The following DENND2B variants were observed in gnomAD, a reference collection of about 807,000 sequenced individuals.
DENND2B encodes the protein DENN domain-containing protein 2B.
A neutral mutation model predicts 116.0 loss-of-function variants in DENND2B; 32 were observed. That is an observed-to-expected ratio of 0.28 (90% CI 0.21 to 0.37). The LOEUF (loss-of-function observed/expected upper bound fraction) is 0.37. DENND2B is among the 10% of genes least tolerant of loss of function. The pLI, the probability that DENND2B is intolerant of heterozygous loss-of-function variation, is 1.00. For synonymous variants in DENND2B, 588 were observed against 583.9 expected, an observed-to-expected ratio of 1.01 and a Z score of -0.10; for missense variants, 1,276 against 1,477.7, an observed-to-expected ratio of 0.86 and a Z score of 2.24.
chr11:8,859,375 T>C (rs2063315114), intron 2 of DENND2B, among the ~76,000 whole-genome samples: 1 of 152,154 alleles, frequency 6.6e-6, no homozygotes. Flanking sequence ...TGGCGCGATC[T>C]CGGCTCACTG....
At chr11:8,723,563 T>A (rs905807582) in intron 4 of DENND2B, among the ~76,000 whole-genome samples, 2 of 152,168 alleles carry the variant, frequency 1.3e-5, no homozygotes, top group African/African-American at 4.8e-5. Flanking sequence ...CTCTGGGATG[T>A]TAGTCTTGCA....
intron 1 of DENND2B, among the ~76,000 whole-genome samples, chr11:8,790,429 A>C (rs1346436650): frequency 1.3e-5 from 2 of 152,168 alleles, no homozygotes; most frequent in African/African-American, 4.8e-5. Context: ...ATGTATGCTG[A>C]TTGGAAGTGG....
intron 1 of DENND2B, among the ~76,000 whole-genome samples, chr11:8,764,539 A>G (rs74053175): frequency 0.019 from 2,832 of 152,350 alleles, 88 homozygotes; most frequent in African/African-American, 0.065. Flanking sequence ...CAGACCCCAG[A>G]GTCTGGAGAG....
rs146151194 is a variant in DENND2B, at chr11:8,888,474, T to C, written c.-255-7365A>G. ...GCAAGACCTAAAACAATAAAATTCTTAGAAGAAAACATAAGGCCAAAGCTT... is the reference window on the plus strand; with the variant it reads ...GCAAGACCTAAAACAATAAAATTCTCAGAAGAAAACATAAGGCCAAAGCTT... On this transcript the variant is annotated intron_variant, in intron 1 of 22. Transcript: ENST00000534127. Among the ~76,000 whole-genome samples the C allele has an allele frequency of 2.6e-5, 4 of 152,294 alleles. No individual in the cohort carries two copies. The East Asian group carries it at 7.7e-4, about 29-fold the overall frequency.
At chr11:8,898,591 C>T (rs555722788) in intron 1 of DENND2B, among the ~76,000 whole-genome samples, 94 of 152,272 alleles carry the variant, frequency 6.2e-4, no homozygotes, top group Admixed American at 4.1e-3. Flanking sequence ...AAACAGCGAT[C>T]AGCAAACTAC....
intron 2 of DENND2B, among the ~76,000 whole-genome samples, chr11:8,745,918 T>C (rs1264417632): frequency 2.0e-5 from 3 of 152,248 alleles, no homozygotes; most frequent in Non-Finnish European, 4.4e-5. Context: ...CCCCAGCTGA[T>C]GCTGCAAGGA....
Position 8,697,618 on chromosome 11 carries a change from A to G in DENND2B, c.2959T>C (p.Leu987=), listed in dbSNP as rs746171418. ...GCTGCCTGTAACTTCCTAGGTAACA[A>G]CGTGTCTTCGTCGTCCATCTGCAGG... ...FIRQMDDEDT[L]LPRKLQAALE... Residue 987 remains leucine, a synonymous_variant, in exon 17 of 20, where the codon TTG becomes CTG. Transcript: ENST00000313726. The G allele has an allele frequency of 6.2e-7, 1 of 1,614,100 alleles. No individual in the cohort carries two copies. The highest frequency in any genetic ancestry group is 1.1e-5 in the South Asian group (1 of 91,080).
upstream of DENND2B, among the ~76,000 whole-genome samples, chr11:8,814,265 AC>A (rs2061493046): frequency 3.9e-5 from 2 of 50,978 alleles, no homozygotes; most frequent in South Asian, 1.1e-3. Context: ...TGTCTGAATC[AC>A]CTTTTTTTTT....
intron 4 of DENND2B, among the ~76,000 whole-genome samples, chr11:8,833,474 T>C (rs991397375): frequency 6.6e-6 from 1 of 152,194 alleles, no homozygotes; most frequent in Non-Finnish European, 1.5e-5. Flanking sequence ...CCTTCTCATA[T>C]ACGACCTGGA....
intron 19 of DENND2B, 47 bp downstream of exon 19, chr11:8,695,416 C>G: frequency 6.4e-7 from 1 of 1,559,978 alleles, no homozygotes; most frequent in South Asian, 1.1e-5. Flanking sequence ...CTCCCAGCCC[C>G]TTCCTTCTTG....
chr11:8,863,249 G>A (rs1397642418), intron 2 of DENND2B, among the ~76,000 whole-genome samples: 2 of 143,736 alleles, frequency 1.4e-5, no homozygotes, highest in East Asian at 2.0e-4. Flanking sequence ...GACTCTTAAC[G>A]CCACTTTCTT....
rs533564751 is a variant in DENND2B, at chr11:8,854,963, C to T, written c.-156+2380G>A. Reference sequence around the variant, plus strand: ...CTGGCCTCAAGTGATCCGCCTGCCTCGGCTTCTCTACAAAAAAATTTTTTT... The same window carrying T: ...CTGGCCTCAAGTGATCCGCCTGCCTTGGCTTCTCTACAAAAAAATTTTTTT... On this transcript the variant is annotated intron_variant, in intron 3 of 6. Transcript: ENST00000524757. Among the ~76,000 whole-genome samples the T allele has an allele frequency of 1.8e-3, 278 of 152,150 alleles. 1 individual carries two copies. The highest frequency in any genetic ancestry group is 6.5e-3 in the African/African-American group (269 of 41,522).
At chr11:8,825,187 T>A (rs922707571) in intron 4 of DENND2B, among the ~76,000 whole-genome samples, 2 of 152,116 alleles carry the variant, frequency 1.3e-5, no homozygotes, top group African/African-American at 2.4e-5. Flanking sequence ...CCAGCACCTA[T>A]ACTTTTTTGG....
Position 8,715,616 on chromosome 11 carries a change from C to T in DENND2B, c.1832G>A (p.Arg611His), listed in dbSNP as rs547568595. ...TSELLSSRRA[R>H]RIPKLVQRIN... ...TGGGGAGGGTACCTTGGGAATGCGG[C>T]GGGCCCGGCGGCTGGACAGCAGCTC... The change falls in exon 6 of 20, where the codon CGC becomes CAC. Residue 611 changes from arginine (R) to histidine (H), a missense_variant. This residue lies in a region of DENND2B where 856 missense variants were observed against 846.6 expected (regional missense o/e 1.01). Transcript: ENST00000313726. 29 of 1,611,434 alleles carry T rather than the reference C, an allele frequency of 1.8e-5. 1 individual carries two copies. The East Asian group carries it at 2.2e-4, about 12-fold the overall frequency.
upstream of DENND2B, among the ~76,000 whole-genome samples, chr11:8,812,851 T>C (rs2061439495): frequency 6.6e-6 from 1 of 152,222 alleles, no homozygotes. Context: ...ACTGGGACAG[T>C]TAATACCCTC....
intron 3 of DENND2B, among the ~76,000 whole-genome samples, chr11:8,849,551 T>C (rs1322086564): frequency 1.5e-5 from 2 of 134,268 alleles, no homozygotes; most frequent in South Asian, 2.4e-4. Context: ...AGGCCAGGCA[T>C]GGTGGCTCAT....
At chr11:8,905,691 G>A (rs1036417367) in intron 1 of DENND2B, among the ~76,000 whole-genome samples, 1 of 150,846 alleles carries the variant, frequency 6.6e-6, no homozygotes, top group African/African-American at 2.5e-5. Context: ...GTATTCCCAA[G>A]AGAAATGAAA....
chr11:8,770,500 G>C (rs1009657688), intron 1 of DENND2B, among the ~76,000 whole-genome samples: 1 of 152,128 alleles, frequency 6.6e-6, no homozygotes, highest in Non-Finnish European at 1.5e-5. Flanking sequence ...TTAGGACTAT[G>C]TTATCATTAT....
chr11:8,802,394 G>A (rs1411174870), intron 1 of DENND2B, among the ~76,000 whole-genome samples: 1 of 152,122 alleles, frequency 6.6e-6, no homozygotes, highest in Non-Finnish European at 1.5e-5. Flanking sequence ...GAGGCAGGAA[G>A]TACTATTCTA....
Sources: allele counts gnomAD v4.1 joint callset (sites outside exome capture counted in the v4.1 genomes callset), GRCh38; gene constraint gnomAD v4.1.1; regional missense constraint gnomAD v4.1.1; transcripts MANE v1.5; gene names NCBI Gene and HGNC (gene_info 2026-07-23, HGNC 2026-07-21).